The following METTL16 variants were observed in gnomAD, a reference collection of about 807,000 sequenced individuals.
The protein encoded by METTL16 is RNA N(6)-adenosine-methyltransferase METTL16.
A neutral mutation model predicts 57.9 loss-of-function variants in METTL16; 19 were observed. The observed-to-expected ratio is 0.33, with a 90% CI of 0.23 to 0.48. METTL16 has a LOEUF of 0.48. METTL16 is among the 20% of genes least tolerant of loss of function. The pLI is 0.99. For synonymous variants in METTL16, 246 were observed against 255.6 expected (o/e 0.96, Z 0.36); for missense variants, 434 against 691.5 (o/e 0.63, Z 4.18).
At position 2,420,727 on chromosome 17, in the gene METTL16, G is replaced by A; in HGVS notation, c.1062+4C>T. Reference sequence around the variant, plus strand: ...GTACTTCGTCAATATGGTTAAGCAGGTACCTTCAAATCAGTGAGAATTTTT... The same window carrying A: ...GTACTTCGTCAATATGGTTAAGCAGATACCTTCAAATCAGTGAGAATTTTT... On this transcript the variant is annotated splice_donor_region_variant and intron_variant, in intron 9 of 9. Coordinates refer to ENST00000263092, the MANE Select transcript of METTL16 (RefSeq NM_024086.4). The surrounding 1 kb of genome is among the most constrained non-coding windows in gnomAD (Gnocchi z 5.4). 6.2e-7 allele frequency: 1 copy of A among 1,611,376 alleles called. No homozygotes were observed. Among genetic ancestry groups the A allele is most frequent in the South Asian group, 1.1e-5 (1 of 90,302 alleles).
At chr17:2,508,186 T>A (rs896462852) in intron 1 of METTL16, among the ~76,000 whole-genome samples, 1 of 152,220 alleles carries the variant, frequency 6.6e-6, no homozygotes, top group East Asian at 1.9e-4. Context: ...ATTTTTCTTT[T>A]GCAATCTTTG....
At chr17:2,510,634 T>G (rs2067580762) in intron 1 of METTL16, among the ~76,000 whole-genome samples, 1 of 152,160 alleles carries the variant, frequency 6.6e-6, no homozygotes, top group Admixed American at 6.6e-5. Context: ...AAATATAACC[T>G]ATTCTTCAGA....
intron 7 of METTL16, 145 bp from the exon 8 acceptor site, chr17:2,438,343 C>A: frequency 1.6e-6 from 1 of 611,702 alleles, no homozygotes; most frequent in South Asian, 1.9e-5. Context: ...TAGATAGCTG[C>A]CTAATAATGA....
intron 6 of METTL16, among the ~76,000 whole-genome samples, chr17:2,445,859 A>G (rs1203815185): frequency 3.3e-5 from 5 of 151,912 alleles, no homozygotes; most frequent in Admixed American, 2.6e-4. Flanking sequence ...AATCCTTAAT[A>G]AAATACTAGT....
At chr17:2,475,752 G>T (rs2067264892) in intron 3 of METTL16, among the ~76,000 whole-genome samples, 1 of 152,330 alleles carries the variant, frequency 6.6e-6, no homozygotes, top group Non-Finnish European at 1.5e-5. Flanking sequence ...GGTAGAATTA[G>T]AGCAAACTGA....
At chr17:2,483,485 TAA>T (rs1321413307) in intron 2 of METTL16, among the ~76,000 whole-genome samples, 8 of 152,178 alleles carry the variant, frequency 5.3e-5, no homozygotes, top group African/African-American at 1.2e-4. Flanking sequence ...TAAAATACAT[TAA>T]GTCTATTTAA....
intron 8 of METTL16, among the ~76,000 whole-genome samples, chr17:2,430,485 G>A (rs1459299148): frequency 8.2e-5 from 11 of 133,588 alleles, no homozygotes; most frequent in Admixed American, 2.5e-4. Context: ...GCGGGATCTC[G>A]GCTCACTGCA....
At chr17:2,482,620 A>T (rs2067315231) in intron 2 of METTL16, among the ~76,000 whole-genome samples, 1 of 152,208 alleles carries the variant, frequency 6.6e-6, no homozygotes, top group African/African-American at 2.4e-5. Flanking sequence ...TTAGGAAGAT[A>T]AACTGGCTGG....
At chr17:2,473,479 A>G in intron 4 of METTL16, 45 bp downstream of exon 4, 1 of 1,560,520 alleles carries the variant, frequency 6.4e-7, no homozygotes. Flanking sequence ...CTAAAAAGGC[A>G]GGTGAAGACA....
chr17:2,439,954 A>C (rs183654303), intron 7 of METTL16, among the ~76,000 whole-genome samples: 78 of 152,336 alleles, frequency 5.1e-4, no homozygotes, highest in African/African-American at 1.9e-3. Flanking sequence ...TGGGAGGCCA[A>C]GGTGGAAGGA....
intron 2 of METTL16, among the ~76,000 whole-genome samples, chr17:2,497,030 G>A (rs114671554): frequency 0.011 from 1,603 of 151,682 alleles, 91 homozygotes; most frequent in African/African-American, 0.037. Flanking sequence ...TCTTGAGGCA[G>A]ACTCTTGCTC....
chr17:2,457,331 C>T (rs1312408389), intron 6 of METTL16, among the ~76,000 whole-genome samples: 5 of 130,778 alleles, frequency 3.8e-5, no homozygotes, highest in African/African-American at 6.2e-5. Context: ...GAGCGAGACT[C>T]CGTCTCAAAA....
chr17:2,492,765 T>C (rs1032688795), intron 2 of METTL16, among the ~76,000 whole-genome samples: 4 of 151,310 alleles, frequency 2.6e-5, no homozygotes, highest in East Asian at 2.0e-4. Flanking sequence ...GGTGTGGTGG[T>C]TGGCACCTAT....
intron 2 of METTL16, among the ~76,000 whole-genome samples, chr17:2,498,888 G>A (rs1271671956): frequency 6.6e-6 from 1 of 151,440 alleles, no homozygotes; most frequent in Non-Finnish European, 1.5e-5. Flanking sequence ...ACCTCCTCCT[G>A]TCTCTTGTCC....
intron 6 of METTL16, among the ~76,000 whole-genome samples, chr17:2,445,413 T>TGGGG (rs1180767569): frequency 6.6e-6 from 1 of 152,094 alleles, no homozygotes; most frequent in Non-Finnish European, 1.5e-5. Context: ...AAGCAACACA[T>TGGGG]GACTGTATAT....
chr17:2,455,819 A>C (rs1260404043), intron 6 of METTL16, among the ~76,000 whole-genome samples: 1 of 151,956 alleles, frequency 6.6e-6, no homozygotes. Flanking sequence ...CCATCTCTAC[A>C]AAAAAATGCA....
intron 6 of METTL16, among the ~76,000 whole-genome samples, chr17:2,453,185 A>AT (rs2067083367): frequency 6.6e-6 from 1 of 152,066 alleles, no homozygotes; most frequent in Non-Finnish European, 1.5e-5. Context: ...CATTTTTGTA[A>AT]CCACAGAGGA....
rs1462152445 is a variant in METTL16 at position 2,416,069 on chromosome 17, T to A, written c.*3901A>T. 6.6e-6 allele frequency: 1 copy of A among 152,358 alleles called. No homozygotes were observed. The highest frequency in any genetic ancestry group is 2.1e-4 in the South Asian group (1 of 4,830). The allele number at this position is 152,358 out of a possible 1,614,324, so 9.4% of individuals were successfully genotyped here. ...TAGTGTTTTTTTCTCTTTCTACTTTTATTTTTCAAATTTTATTTCTGTGAA... is the reference window on the plus strand; with the variant it reads ...TAGTGTTTTTTTCTCTTTCTACTTTAATTTTTCAAATTTTATTTCTGTGAA... On this transcript the variant is annotated 3_prime_UTR_variant, in exon 10 of 10. Transcript: ENST00000263092.
At chr17:2,457,735 T>G (rs2067122050) in intron 6 of METTL16, among the ~76,000 whole-genome samples, 2 of 150,968 alleles carry the variant, frequency 1.3e-5, no homozygotes, top group South Asian at 4.2e-4. Flanking sequence ...GAGTTAAAAA[T>G]CACCCTATTT....
Sources: allele counts gnomAD v4.1 joint callset (sites outside exome capture counted in the v4.1 genomes callset), GRCh38; gene constraint gnomAD v4.1.1; non-coding constraint Gnocchi (gnomAD v3.1); transcripts MANE v1.5; gene names NCBI Gene and HGNC (gene_info 2026-07-23, HGNC 2026-07-21).